FBXL17: variants seen among roughly 807,000 people sequenced by gnomAD.
FBXL17 encodes F-box/LRR-repeat protein 17.
In FBXL17, 22 loss-of-function variants were observed where a neutral mutation model predicts 66.2. The observed-to-expected ratio is 0.33, with a 90% CI of 0.24 to 0.47. FBXL17 has a LOEUF of 0.47. Among genes scored for constraint, FBXL17 ranks in the 20% least tolerant of loss-of-function variants. The pLI is 1.00. For synonymous variants in FBXL17, 474 were observed against 400.5 expected (o/e 1.18, Z -2.19); for missense variants, 878 against 948.2 (o/e 0.93, Z 0.97).
rs201752049 is a variant in FBXL17 at position 107,871,057 on chromosome 5, C to CAAAAAAAAAAAAAAAAAAAA, written c.1966-9217_1966-9198dup. Among the ~76,000 whole-genome samples the CAAAAAAAAAAAAAAAAAAAA allele has an allele frequency of 6.5e-4, 43 of 65,858 alleles. 3 individuals carry two copies. The highest frequency in any genetic ancestry group is 2.3e-3 in the African/African-American group (30 of 13,304). The allele number at this position is 65,858 out of a possible 152,430, so 43.2% of individuals were successfully genotyped here. On this transcript the variant is annotated intron_variant, in intron 8 of 8. Coordinates refer to ENST00000542267, the MANE Select transcript of FBXL17 (RefSeq NM_001163315.3). ...GGTAAGAAATATTACTCTTGGGCGGCAAAAAAAAAAAAAAAAAAAAAACCT... is the reference window on the plus strand; with the variant it reads ...GGTAAGAAATATTACTCTTGGGCGGCAAAAAAAAAAAAAAAAAAAAAAAAAAAAAAAAAAAAAAAAAACCT...
intron 6 of FBXL17, among the ~76,000 whole-genome samples, chr5:108,159,328 C>T (rs567742206): frequency 2.0e-5 from 3 of 152,182 alleles, no homozygotes; most frequent in South Asian, 2.1e-4. Flanking sequence ...TGTAATAATC[C>T]GTTGATAGTG....
chr5:108,045,522 C>T (rs1166910058), intron 6 of FBXL17, among the ~76,000 whole-genome samples: 7 of 152,072 alleles, frequency 4.6e-5, no homozygotes, highest in Non-Finnish European at 5.9e-5. Flanking sequence ...CTTTTTCTAG[C>T]GTCTTGATAT....
intron 7 of FBXL17, among the ~76,000 whole-genome samples, chr5:108,007,706 G>C (rs1260683516): frequency 6.6e-6 from 1 of 152,142 alleles, no homozygotes; most frequent in Non-Finnish European, 1.5e-5. Flanking sequence ...TATTTAAAAA[G>C]TATATTTTTT....
At chr5:108,333,005 T>A (rs1315275095) in intron 4 of FBXL17, among the ~76,000 whole-genome samples, 1 of 141,966 alleles carries the variant, frequency 7.0e-6, no homozygotes, top group Non-Finnish European at 1.5e-5. Flanking sequence ...TGTATTAAGA[T>A]CTTGTAATTT....
chr5:107,863,241 G>C (rs1004605968), intron 8 of FBXL17, among the ~76,000 whole-genome samples: 1 of 151,388 alleles, frequency 6.6e-6, no homozygotes, highest in Non-Finnish European at 1.5e-5. Flanking sequence ...AGTTCAGACA[G>C]CTTATAACAG....
At chr5:108,171,935 G>GCT (rs34090352) in intron 6 of FBXL17, among the ~76,000 whole-genome samples, 17,098 of 152,094 alleles carry the variant, frequency 0.11, 1,175 homozygotes, top group Middle Eastern at 0.18. Flanking sequence ...CCCCGCAGAA[G>GCT]CTCTCTCTCT....
intron 7 of FBXL17, among the ~76,000 whole-genome samples, chr5:108,000,686 C>G (rs891806771): frequency 3.3e-5 from 5 of 152,222 alleles, no homozygotes; most frequent in Admixed American, 6.5e-5. Context: ...AATAAAATCT[C>G]ACTAGAGAGT....
chr5:107,955,835 T>C (rs1332255437), intron 7 of FBXL17, among the ~76,000 whole-genome samples: 1 of 152,192 alleles, frequency 6.6e-6, no homozygotes, highest in African/African-American at 2.4e-5. Flanking sequence ...ATTAATATCA[T>C]GTCTATGGCT....
intron 4 of FBXL17, among the ~76,000 whole-genome samples, chr5:108,306,206 G>T (rs1035951652): frequency 6.6e-6 from 1 of 151,910 alleles, no homozygotes; most frequent in Admixed American, 6.6e-5. Context: ...CTACTTTTTA[G>T]ATATATGGGG....
intron 7 of FBXL17, among the ~76,000 whole-genome samples, chr5:107,958,200 T>G (rs929567861): frequency 1.2e-4 from 19 of 152,020 alleles, no homozygotes; most frequent in African/African-American, 4.6e-4. Flanking sequence ...GGTTCTGTCT[T>G]TATTTATTTA....
intron 5 of FBXL17, among the ~76,000 whole-genome samples, chr5:108,194,550 C>T (rs528187499): frequency 3.3e-5 from 5 of 152,240 alleles, no homozygotes; most frequent in East Asian, 3.9e-4. Context: ...TTGACTTCTC[C>T]ATCTCTTCAC....
At chr5:107,901,469 G>T (rs1056274741) in intron 7 of FBXL17, among the ~76,000 whole-genome samples, 3 of 152,094 alleles carry the variant, frequency 2.0e-5, no homozygotes, top group African/African-American at 7.2e-5. Context: ...CTCTGCTGTA[G>T]TAAGAAGCTG....
intron 6 of FBXL17, among the ~76,000 whole-genome samples, chr5:108,032,380 C>T (rs906589565): frequency 2.0e-5 from 3 of 152,014 alleles, no homozygotes; most frequent in Non-Finnish European, 2.9e-5. Context: ...GTAGGCCGAA[C>T]GGTGACCCCC....
At chr5:108,174,682 A>G (rs1188797001) in intron 6 of FBXL17, among the ~76,000 whole-genome samples, 1 of 151,850 alleles carries the variant, frequency 6.6e-6, no homozygotes, top group East Asian at 1.9e-4. Context: ...AAGTACTACA[A>G]GAAGAGCTAA....
At chr5:108,264,582 G>A (rs1318551962) in intron 4 of FBXL17, among the ~76,000 whole-genome samples, 1 of 151,988 alleles carries the variant, frequency 6.6e-6, no homozygotes, top group Admixed American at 6.6e-5. Flanking sequence ...AATGAAAATA[G>A]ATTTCAATTA....
At chr5:108,024,336 A>G (rs924536341) in intron 6 of FBXL17, among the ~76,000 whole-genome samples, 3 of 152,196 alleles carry the variant, frequency 2.0e-5, no homozygotes, top group Non-Finnish European at 4.4e-5. Context: ...TAAGATTACT[A>G]AACCCTAAGG....
intron 6 of FBXL17, among the ~76,000 whole-genome samples, chr5:108,171,815 T>C (rs1752613949): frequency 9.0e-6 from 1 of 110,756 alleles, no homozygotes; most frequent in Non-Finnish European, 2.0e-5. Flanking sequence ...CCAAGTGTTG[T>C]GGGAGGACTT....
chr5:108,269,154 G>A (rs964259562), intron 4 of FBXL17, among the ~76,000 whole-genome samples: 3 of 151,962 alleles, frequency 2.0e-5, no homozygotes, highest in African/African-American at 2.4e-5. Context: ...TTCATATCGG[G>A]AGGACCTCTT....
chr5:107,933,881 T>A (rs1750810827), intron 7 of FBXL17, among the ~76,000 whole-genome samples: 1 of 152,144 alleles, frequency 6.6e-6, no homozygotes, highest in Non-Finnish European at 1.5e-5. Flanking sequence ...GGAAAGGATG[T>A]GAACTCATAT....
Sources: allele counts gnomAD v4.1 joint callset (sites outside exome capture counted in the v4.1 genomes callset), GRCh38; gene constraint gnomAD v4.1.1; transcripts MANE v1.5; gene names NCBI Gene and HGNC (gene_info 2026-07-23, HGNC 2026-07-21).